UNC13C: variants seen among roughly 807,000 people sequenced by gnomAD.
The protein encoded by UNC13C is protein unc-13 homolog C.
UNC13C carries 174 observed loss-of-function variants against 245.4 expected under a neutral mutation model. The observed-to-expected ratio is 0.71, with a 90% CI of 0.63 to 0.80. UNC13C has a LOEUF of 0.80. Among genes scored for constraint, UNC13C ranks in the 30% least tolerant of loss-of-function variants. The pLI is 0.00. For missense variants in UNC13C, 2,829 were observed against 2,602.9 expected, an observed-to-expected ratio of 1.09 and a Z score of -1.89; for synonymous variants, 992 against 895.1, an observed-to-expected ratio of 1.11 and a Z score of -1.93.
Position 54,064,395 on chromosome 15 carries a change from TC to T in UNC13C, c.2983+48510del, listed in dbSNP as rs143375706. 5.3e-4 allele frequency among the ~76,000 whole-genome samples: 80 copies of T among 152,294 alleles called. 3 individuals are homozygous for T. In the East Asian group the frequency reaches 0.015, roughly 29 times the overall value. On this transcript the variant is annotated intron_variant, in intron 2 of 32. Coordinates refer to ENST00000260323, the MANE Select transcript of UNC13C (RefSeq NM_001080534.3). ...GAACCTGTCTCTAGCTCACTTAAGGTCTTTCCTCACACAGTGAGGGCTGGCA... is the reference window on the plus strand; with the variant it reads ...GAACCTGTCTCTAGCTCACTTAAGGTTTTCCTCACACAGTGAGGGCTGGCA...
intron 13 of UNC13C, 145 bp downstream of exon 13, chr15:54,300,518 C>G (rs1596173803): frequency 3.9e-6 from 3 of 779,034 alleles, no homozygotes; most frequent in Admixed American, 3.0e-5. Flanking sequence ...TGACTACTCT[C>G]TCTTACAGCT....
rs554466406 is a variant in UNC13C at position 54,546,713 on chromosome 15, T to A, written c.5697-9T>A. ...TAAAAGTGAATATATATATATATTT[T>A]TTTTTCAGATTAAGTCTCTCAGCAA... is the stretch of plus-strand genomic sequence containing the variant. On this transcript the variant is annotated splice_polypyrimidine_tract_variant and intron_variant, in intron 26 of 32. Coordinates refer to ENST00000260323, the MANE Select transcript of UNC13C (RefSeq NM_001080534.3). 6,187 of 1,456,400 alleles carry A rather than the reference T, an allele frequency of 4.2e-3. 165 individuals carry two copies. The African/African-American group carries it at 0.067, about 16-fold the overall frequency. 90.2% of individuals were successfully genotyped at this position (1,456,400 alleles called of 1,614,324 possible).
chr15:53,874,784 A>C, the UNC13C span, among the ~76,000 whole-genome samples: 6 of 152,152 alleles, frequency 3.9e-5, no homozygotes, highest in Non-Finnish European at 7.3e-5. Flanking sequence ...GCACTTCTTT[A>C]ATTGCCATGT....
chr15:54,197,672 T>A (rs1191761700), intron 4 of UNC13C, among the ~76,000 whole-genome samples: 1 of 152,044 alleles, frequency 6.6e-6, no homozygotes, highest in East Asian at 1.9e-4. Context: ...AAATAAAGCA[T>A]CTGGGGGACA....
chr15:54,582,094 G>A (rs1272322074), intron 30 of UNC13C, among the ~76,000 whole-genome samples: 1 of 150,718 alleles, frequency 6.6e-6, no homozygotes, highest in African/African-American at 2.4e-5. Context: ...GAGAGAGGGA[G>A]GGAATGAGGA....
At chr15:54,034,087 T>C (rs1896474501) in intron 2 of UNC13C, among the ~76,000 whole-genome samples, 1 of 152,228 alleles carries the variant, frequency 6.6e-6, no homozygotes, top group Non-Finnish European at 1.5e-5. Context: ...CCTGGCTTGC[T>C]GTCTGTCCCA....
chr15:53,956,875 A>AGTGTGTGTGTGTGTGTGTGTGTGTGT, the UNC13C span, among the ~76,000 whole-genome samples: 44 of 139,812 alleles, frequency 3.1e-4, 1 homozygote, highest in East Asian at 6.4e-3. Context: ...GTTAAGCTCA[A>AGTGTGTGTGTGTGTGTGTGTGTGTGT]GTGTGTGTGT....
chr15:54,367,203 T>G (rs1258298270), intron 17 of UNC13C, among the ~76,000 whole-genome samples: 1 of 152,156 alleles, frequency 6.6e-6, no homozygotes, highest in Non-Finnish European at 1.5e-5. Flanking sequence ...ACACTTTATA[T>G]TCCAAACCAA....
intron 1 of UNC13C, among the ~76,000 whole-genome samples, chr15:53,984,044 T>G (rs760552407): frequency 3.7e-4 from 56 of 152,234 alleles, no homozygotes; most frequent in African/African-American, 1.3e-3. Context: ...TTGTTTTATC[T>G]GTATGATTCT....
intron 4 of UNC13C, among the ~76,000 whole-genome samples, chr15:54,174,704 C>G (rs886163264): frequency 2.0e-4 from 31 of 152,294 alleles, no homozygotes; most frequent in African/African-American, 7.5e-4. Flanking sequence ...ATAACTCCAA[C>G]AGCCCCATCC....
chr15:54,421,361 A>G (rs2040639486), intron 19 of UNC13C, among the ~76,000 whole-genome samples: 1 of 152,056 alleles, frequency 6.6e-6, no homozygotes, highest in Non-Finnish European at 1.5e-5. Flanking sequence ...CTCTGCATAT[A>G]TTCTCCCAAA....
intron 14 of UNC13C, among the ~76,000 whole-genome samples, chr15:54,329,089 T>G (rs1230749321): frequency 2.6e-5 from 4 of 151,124 alleles, no homozygotes; most frequent in African/African-American, 9.7e-5. Flanking sequence ...AAGTTTTTTT[T>G]TTTTTTTTTT....
chr15:54,617,690 C>T (rs2037385), intron 30 of UNC13C, among the ~76,000 whole-genome samples: 66,102 of 151,924 alleles, frequency 0.44, 15,758 homozygotes, highest in East Asian at 0.6. Flanking sequence ...GAAGAAAGCA[C>T]TGGAATGGAT....
At chr15:53,934,573 A>T in the UNC13C span, among the ~76,000 whole-genome samples, 3 of 152,156 alleles carry the variant, frequency 2.0e-5, no homozygotes, top group Non-Finnish European at 4.4e-5. Context: ...CAACTGTAAT[A>T]TGTTTGTAAT....
At chr15:54,010,526 A>T in intron 1 of UNC13C, among the ~76,000 whole-genome samples, 1 of 152,126 alleles carries the variant, frequency 6.6e-6, no homozygotes, top group East Asian at 1.9e-4. Context: ...ACAGCATGGA[A>T]AAAGGCCCTT....
At position 54,013,381 on chromosome 15, in the gene UNC13C, C is replaced by T. The variant is rs771285805; in HGVS notation, c.478C>T (p.Leu160Phe). Residue 160 changes from leucine to phenylalanine, a missense_variant, in exon 2 of 33, where the codon CTT becomes TTT. Leu to Phe is a conservative substitution (Grantham distance 22, BLOSUM62 0). Coordinates refer to ENST00000260323, the MANE Select transcript of UNC13C (RefSeq NM_001080534.3). ...VRRNRKSSSS[L>F]APSEGSSDGE... ...ACGCAACAGAAAGAGTTCAAGCAGC[C>T]TTGCACCCTCTGAGGGCAGCTCTGA... The T allele has an allele frequency of 6.2e-7, 1 of 1,613,856 alleles. No individual in the cohort carries two copies. The highest frequency in any genetic ancestry group is 8.5e-7 in the Non-Finnish European group (1 of 1,179,870).
chr15:53,957,575 C>T, the UNC13C span, among the ~76,000 whole-genome samples: 2 of 152,182 alleles, frequency 1.3e-5, no homozygotes, highest in Non-Finnish European at 2.9e-5. Flanking sequence ...GTAAAGTTTA[C>T]ACTATATATA....
At chr15:54,217,729 T>C (rs1239086569) in intron 4 of UNC13C, among the ~76,000 whole-genome samples, 2 of 151,900 alleles carry the variant, frequency 1.3e-5, no homozygotes, top group Non-Finnish European at 2.9e-5. Flanking sequence ...CCGCAGTAGA[T>C]AGATTCATAG....
At chr15:53,953,452 G>C in the UNC13C span, among the ~76,000 whole-genome samples, 1 of 152,296 alleles carries the variant, frequency 6.6e-6, no homozygotes, top group African/African-American at 2.4e-5. Context: ...GGACTCTCTA[G>C]ATCCAGGGGT....
Sources: allele counts gnomAD v4.1 joint callset (sites outside exome capture counted in the v4.1 genomes callset), GRCh38; gene constraint gnomAD v4.1.1; transcripts MANE v1.5; gene names NCBI Gene and HGNC (gene_info 2026-07-23, HGNC 2026-07-21).